The following SLC49A4 variants were observed in gnomAD, a reference collection of about 807,000 sequenced individuals.
SLC49A4 encodes disrupted in renal cancer protein 2.
A neutral mutation model predicts 50.6 loss-of-function variants in SLC49A4; 36 were observed. The observed-to-expected ratio is 0.71, with a 90% confidence interval of 0.55 to 0.94. The LOEUF (loss-of-function observed/expected upper bound fraction) is 0.94, where lower values mean the gene tolerates loss of function less well. Among genes scored for constraint, SLC49A4 ranks in the 40% least tolerant of loss-of-function variants. The pLI is 0.00. For synonymous variants in SLC49A4, 248 were observed against 241.2 expected, an observed-to-expected ratio of 1.03 and a Z score of -0.26; for missense variants, 503 against 605.7, an observed-to-expected ratio of 0.83 and a Z score of 1.78.
intron 8 of SLC49A4, among the ~76,000 whole-genome samples, chr3:122,878,135 G>A (rs1560247480): frequency 6.6e-6 from 1 of 152,144 alleles, no homozygotes; most frequent in Non-Finnish European, 1.5e-5. Flanking sequence ...AACTAAAGCA[G>A]CAGTGTGGAA....
In SLC49A4 at chr3:122,795,241, C is replaced by T. The variant is rs1482832434; in HGVS notation, c.49C>T (p.Pro17Ser). The T allele has an allele frequency of 1.8e-5, 24 of 1,344,062 alleles. No homozygotes were observed. The highest frequency in any genetic ancestry group is 2.0e-5 in the Non-Finnish European group (21 of 1,057,090). The allele number at this position is 1,344,062 out of a possible 1,614,324, so 83.3% of individuals were successfully genotyped here. Residue 17 changes from proline (P) to serine (S), a missense_variant, in exon 1 of 9, where the codon CCC becomes TCC. Transcript: ENST00000261038. ...SEEERQPLLG[P>S]GLGPGLGASW... ...AGAGGAGAGGCAGCCGCTGCTGGGG[C>T]CCGGGCTCGGGCCTGGGCTGGGGGC... is the stretch of plus-strand genomic sequence containing the variant.
intron 2 of SLC49A4, among the ~76,000 whole-genome samples, chr3:122,816,693 T>A (rs1441337249): frequency 6.6e-6 from 1 of 152,170 alleles, no homozygotes; most frequent in Non-Finnish European, 1.5e-5. Context: ...ATCTACGAGG[T>A]TGTCTAGGGA....
intron 2 of SLC49A4, among the ~76,000 whole-genome samples, chr3:122,821,021 G>C (rs887506036): frequency 1.3e-5 from 2 of 152,222 alleles, no homozygotes; most frequent in Non-Finnish European, 2.9e-5. Context: ...CCATGCTGCT[G>C]TTCTTGTGAT....
At chr3:122,795,650 TGATA>T in intron 1 of SLC49A4, 115 bp downstream of exon 1, 1 of 1,443,512 alleles carries the variant, frequency 6.9e-7, no homozygotes, top group South Asian at 1.4e-5. Context: ...TTGTGTGAGG[TGATA>T]GAGTGTTGCT....
intron 6 of SLC49A4, 141 bp downstream of exon 6, chr3:122,856,515 C>T (rs761313479): frequency 1.3e-6 from 1 of 757,256 alleles, no homozygotes; most frequent in East Asian, 2.6e-5. Flanking sequence ...GTTCAGAGTA[C>T]AAGAAAATTC....
intron 3 of SLC49A4, among the ~76,000 whole-genome samples, chr3:122,829,486 C>T (rs1470096321): frequency 4.6e-5 from 7 of 152,226 alleles, no homozygotes; most frequent in Non-Finnish European, 4.4e-5. Flanking sequence ...GGCACAGTGG[C>T]TTGTGCCTGT....
At position 122,880,775 on chromosome 3, in the gene SLC49A4, C is replaced by T. The variant is rs899376877; in HGVS notation, c.*1397C>T. ...TTCAGGAAAGCTGGGCAGCACTGGG[C>T]CCTGCTCCTCTCTGCACCTGTGTGC... On this transcript the variant is annotated 3_prime_UTR_variant, in exon 9 of 9. Coordinates refer to ENST00000261038, the MANE Select transcript of SLC49A4 (RefSeq NM_032839.3). 1 of 152,416 alleles carries T rather than the reference C, an allele frequency of 6.6e-6. No individual in the cohort carries two copies. The highest frequency in any genetic ancestry group is 2.4e-5 in the African/African-American group (1 of 41,458). The allele number at this position is 152,416 out of a possible 1,614,324, so 9.4% of individuals were successfully genotyped here. A position where few individuals can be genotyped will look rare whatever the true frequency, so the allele number is the denominator to read the frequency against.
At chr3:122,874,001 A>G (rs1937230691) in intron 8 of SLC49A4, among the ~76,000 whole-genome samples, 1 of 152,186 alleles carries the variant, frequency 6.6e-6, no homozygotes, top group African/African-American at 2.4e-5. Flanking sequence ...CCAGCAGAGC[A>G]TGGTTTTTCC....
rs182082193 is a variant in SLC49A4, at chr3:122,835,633, A to C, written c.833+2187A>C. ...TCAAAATAAAAGCTGTATATGACAA[A>C]CCCACAGCCAACATCATACTGAATG... On this transcript the variant is annotated intron_variant, in intron 4 of 8. Transcript: ENST00000261038. Among the ~76,000 whole-genome samples the C allele has an allele frequency of 1.1e-3, 174 of 152,294 alleles. 1 individual carries two copies. The highest frequency in any genetic ancestry group is 4.1e-3 in the African/African-American group (171 of 41,570).
At chr3:122,811,994 T>TAGAAAAAA (rs1460439243) in intron 2 of SLC49A4, among the ~76,000 whole-genome samples, 1 of 152,156 alleles carries the variant, frequency 6.6e-6, no homozygotes, top group East Asian at 1.9e-4. Context: ...AACACTCTGT[T>TAGAAAAAA]GCCCAGGCTG....
intron 2 of SLC49A4, among the ~76,000 whole-genome samples, chr3:122,819,843 TTTTTA>T (rs1936426698): frequency 6.6e-6 from 1 of 152,118 alleles, no homozygotes; most frequent in Non-Finnish European, 1.5e-5. Context: ...AAGTTTTTTT[TTTTTA>T]AAGAATATGA....
At chr3:122,833,172 T>G (rs1272848650) in intron 3 of SLC49A4, 145 bp from the exon 4 acceptor site, 1 of 682,876 alleles carries the variant, frequency 1.5e-6, no homozygotes, top group Non-Finnish European at 2.4e-6. Flanking sequence ...GCCCAGGAGG[T>G]CAAGTCTGTA....
At chr3:122,829,314 G>T (rs1229121584) in intron 3 of SLC49A4, among the ~76,000 whole-genome samples, 2 of 152,140 alleles carry the variant, frequency 1.3e-5, no homozygotes, top group African/African-American at 2.4e-5. Context: ...TATCATATCA[G>T]CAGATAAAAG....
At chr3:122,809,055 C>T (rs1936262483) in intron 2 of SLC49A4, among the ~76,000 whole-genome samples, 1 of 151,998 alleles carries the variant, frequency 6.6e-6, no homozygotes, top group Non-Finnish European at 1.5e-5. Flanking sequence ...ATTGTTGATT[C>T]CATTAACAGA....
chr3:122,863,425 C>T (rs1937080731), intron 7 of SLC49A4, among the ~76,000 whole-genome samples: 1 of 152,124 alleles, frequency 6.6e-6, no homozygotes, highest in Non-Finnish European at 1.5e-5. Flanking sequence ...TACTTGTTGC[C>T]AGTGGTAGTC....
intron 2 of SLC49A4, among the ~76,000 whole-genome samples, chr3:122,808,528 T>C (rs1576291578): frequency 6.6e-6 from 1 of 152,092 alleles, no homozygotes; most frequent in Non-Finnish European, 1.5e-5. Flanking sequence ...GGGAGGCTGG[T>C]GTGGCATGAG....
At chr3:122,824,029 A>G (rs75182904) in intron 2 of SLC49A4, among the ~76,000 whole-genome samples, 5,131 of 152,292 alleles carry the variant, frequency 0.034, 122 homozygotes, top group Middle Eastern at 0.078. Context: ...GAAAACTACA[A>G]AGTGCTGGGA....
At chr3:122,829,761 A>G (rs1458397398) in intron 3 of SLC49A4, among the ~76,000 whole-genome samples, 2 of 152,188 alleles carry the variant, frequency 1.3e-5, no homozygotes, top group Non-Finnish European at 2.9e-5. Context: ...AAAAACCTGG[A>G]GGTAACATCA....
chr3:122,822,388 G>A (rs768780724), intron 2 of SLC49A4, among the ~76,000 whole-genome samples: 1 of 152,108 alleles, frequency 6.6e-6, no homozygotes, highest in Non-Finnish European at 1.5e-5. Flanking sequence ...TAAGCTGGAT[G>A]TTTTTTCTTT....
Sources: allele counts gnomAD v4.1 joint callset (sites outside exome capture counted in the v4.1 genomes callset), GRCh38; gene constraint gnomAD v4.1.1; transcripts MANE v1.5; gene names NCBI Gene and HGNC (gene_info 2026-07-23, HGNC 2026-07-21).